The following RARB variants were observed in gnomAD, a reference collection of about 807,000 sequenced individuals.
The protein encoded by RARB is retinoic acid receptor beta.
A neutral mutation model predicts 51.9 loss-of-function variants in RARB; 17 were observed. The observed-to-expected ratio is 0.33, with a 90% CI of 0.22 to 0.49. The LOEUF is 0.49. Among genes scored for constraint, RARB ranks in the 20% least tolerant of loss-of-function variants. The probability of loss-of-function intolerance (pLI) is 0.99; values close to 1 mark genes in which losing one functional copy is unlikely to be tolerated. For missense variants in RARB, 369 were observed against 550.8 expected, an observed-to-expected ratio of 0.67 and a Z score of 3.30; for synonymous variants, 215 against 195.4, an observed-to-expected ratio of 1.10 and a Z score of -0.84.
At chr3:25,434,572 C>T (rs573045523) in intron 1 of RARB, among the ~76,000 whole-genome samples, 123 of 143,718 alleles carry the variant, frequency 8.6e-4, no homozygotes, top group East Asian at 2.7e-3. Context: ...GATGGAGTCT[C>T]GCCCTGTTGC....
At chr3:25,277,111 C>G (rs1703408060) in intron 5 of RARB, among the ~76,000 whole-genome samples, 1 of 152,234 alleles carries the variant, frequency 6.6e-6, no homozygotes, top group Non-Finnish European at 1.5e-5. Context: ...GAAAAGTTAG[C>G]TAACTATTTA....
intron 2 of RARB, among the ~76,000 whole-genome samples, chr3:25,031,880 C>T (rs1001769277): frequency 2.6e-5 from 4 of 152,164 alleles, no homozygotes; most frequent in Admixed American, 6.5e-5. Flanking sequence ...ACAAAAAACT[C>T]TAAACCTGAC....
chr3:25,398,737 T>C (rs900242846), intron 5 of RARB, among the ~76,000 whole-genome samples: 3 of 152,216 alleles, frequency 2.0e-5, no homozygotes, highest in Non-Finnish European at 4.4e-5. Flanking sequence ...TTGTACATTC[T>C]ACCATATTCC....
Position 25,049,200 on chromosome 3 carries a change from T to C in RARB, c.-379-10925T>C, listed in dbSNP as rs957389545. Among the ~76,000 whole-genome samples the C allele has an allele frequency of 7.2e-5, 11 of 152,224 alleles. No homozygotes were observed. In the South Asian group the frequency reaches 1.9e-3, roughly 26 times the overall value. ...TAGAAGCAGTGAGACATTTTAGGGA[T>C]GCCTGTGGAAGAACTAAGGAACTGG... On this transcript the variant is annotated intron_variant, in intron 2 of 11. Coordinates refer to the RARB transcript ENST00000383772.
chr3:24,895,638 G>C (rs1703462695), intron 2 of RARB, among the ~76,000 whole-genome samples: 1 of 150,166 alleles, frequency 6.7e-6, no homozygotes, highest in Non-Finnish European at 1.5e-5. Flanking sequence ...CCTTGAGAAG[G>C]AGTCTCGCTC....
chr3:25,362,598 G>T (rs963464121), intron 5 of RARB, among the ~76,000 whole-genome samples: 4 of 152,202 alleles, frequency 2.6e-5, no homozygotes, highest in African/African-American at 9.6e-5. Flanking sequence ...GGGCACTTGT[G>T]GGGTAGGCAC....
intron 3 of RARB, among the ~76,000 whole-genome samples, chr3:25,558,163 CAT>C (rs1700133516): frequency 1.3e-5 from 2 of 152,142 alleles, no homozygotes; most frequent in South Asian, 4.1e-4. Context: ...ACACAAAAAA[CAT>C]GTTTTCAAGC....
intron 2 of RARB, among the ~76,000 whole-genome samples, chr3:25,483,198 A>G (rs532095564): frequency 6.6e-6 from 1 of 152,362 alleles, no homozygotes; most frequent in South Asian, 2.1e-4. Context: ...GATTCAAGAA[A>G]GCATCGGGAC....
chr3:25,500,626 G>A (rs977979070), intron 2 of RARB, among the ~76,000 whole-genome samples: 2 of 151,552 alleles, frequency 1.3e-5, no homozygotes, highest in African/African-American at 2.4e-5. Flanking sequence ...TTACAGGCAC[G>A]CACAACTGTG....
chr3:25,581,214 G>A (rs1701160816), intron 5 of RARB, among the ~76,000 whole-genome samples: 1 of 152,172 alleles, frequency 6.6e-6, no homozygotes, highest in Admixed American at 6.5e-5. Flanking sequence ...TATAGTAACT[G>A]TATTTGCTTT....
intron 5 of RARB, among the ~76,000 whole-genome samples, chr3:25,175,738 T>G (rs1309868346): frequency 6.6e-6 from 1 of 152,210 alleles, no homozygotes; most frequent in Non-Finnish European, 1.5e-5. Context: ...AAACAGTGAC[T>G]CGATTTGCTG....
At chr3:24,907,210 T>A (rs1271278414) in intron 2 of RARB, among the ~76,000 whole-genome samples, 1 of 152,150 alleles carries the variant, frequency 6.6e-6, no homozygotes. Context: ...GGAGTGGTAG[T>A]TATCAAACTT....
At chr3:24,878,336 T>C (rs927732929) in intron 2 of RARB, among the ~76,000 whole-genome samples, 1 of 151,966 alleles carries the variant, frequency 6.6e-6, no homozygotes, top group African/African-American at 2.4e-5. Flanking sequence ...TTTTCATCTT[T>C]CTGCTTGGCT....
chr3:25,266,908 C>T (rs559874797), intron 5 of RARB, among the ~76,000 whole-genome samples: 46 of 152,172 alleles, frequency 3.0e-4, no homozygotes, highest in Non-Finnish European at 6.6e-4. Flanking sequence ...ATGAGAAATA[C>T]ATTTCTATTG....
chr3:25,234,720 C>G (rs917991567), intron 5 of RARB, among the ~76,000 whole-genome samples: 1 of 152,082 alleles, frequency 6.6e-6, no homozygotes, highest in East Asian at 1.9e-4. Flanking sequence ...GGATTTCTCC[C>G]CTTAAACTCT....
rs560792278 is a variant in RARB at position 25,254,245 on chromosome 3, C to T, written c.178+79670C>T. Among the ~76,000 whole-genome samples the T allele has an allele frequency of 2.6e-5, 4 of 152,202 alleles. No homozygotes were observed. The South Asian group carries it at 8.3e-4, about 32-fold the overall frequency. On this transcript the variant is annotated intron_variant, in intron 5 of 11. Transcript: ENST00000383772. ...TTATCCGAAAGAGAGCTGTGTGTTC[C>T]TTATGGACTTCAAGATTATTTCCTG... is the stretch of plus-strand genomic sequence containing the variant.
At chr3:25,350,795 A>G (rs1705543015) in intron 5 of RARB, among the ~76,000 whole-genome samples, 1 of 152,220 alleles carries the variant, frequency 6.6e-6, no homozygotes, top group Non-Finnish European at 1.5e-5. Context: ...CTTCAAAATA[A>G]GCTGCTATGA....
intron 2 of RARB, among the ~76,000 whole-genome samples, chr3:25,042,647 G>C (rs1698135997): frequency 6.6e-6 from 1 of 152,206 alleles, no homozygotes; most frequent in Admixed American, 6.5e-5. Flanking sequence ...TGTGCCACTT[G>C]ATGGGCACTG....
intron 5 of RARB, among the ~76,000 whole-genome samples, chr3:25,360,013 C>G (rs891123784): frequency 2.0e-5 from 3 of 152,312 alleles, no homozygotes; most frequent in African/African-American, 7.2e-5. Flanking sequence ...GAGCTGAGTT[C>G]AAGTCCTGAA....
Sources: allele counts gnomAD v4.1 joint callset (sites outside exome capture counted in the v4.1 genomes callset), GRCh38; gene constraint gnomAD v4.1.1; transcripts MANE v1.5; gene names NCBI Gene and HGNC (gene_info 2026-07-23, HGNC 2026-07-21).